Variants in PRLR observed in about 807,000 individuals in gnomAD.
PRLR encodes the protein prolactin receptor.
In PRLR, 13 loss-of-function variants were observed where a neutral mutation model predicts 40.2. The observed-to-expected ratio is 0.32, with a 90% CI of 0.21 to 0.51. The LOEUF (loss-of-function observed/expected upper bound fraction) is 0.51. Ranked by LOEUF, PRLR falls within the 20% of genes least tolerant of loss-of-function variation. The pLI, the probability that PRLR is intolerant of heterozygous loss-of-function variation, is 0.97. For synonymous variants in PRLR, 269 were observed against 278.7 expected, an observed-to-expected ratio of 0.97 and a Z score of 0.35; for missense variants, 656 against 747.3, an observed-to-expected ratio of 0.88 and a Z score of 1.42.
chr5:35,076,759 T>C lies in PRLR; in HGVS notation c.374-4015A>G, dbSNP rs139941729. Among the ~76,000 whole-genome samples, 815 of 152,148 alleles carry C rather than the reference T, an allele frequency of 5.4e-3. 14 individuals are homozygous for C. Among genetic ancestry groups the C allele is most frequent in the African/African-American group, 0.019 (775 of 41,492 alleles). On this transcript the variant is annotated intron_variant, in intron 5 of 9. Coordinates refer to ENST00000618457, the MANE Select transcript of PRLR (RefSeq NM_000949.7). ...ACGTAATTGTCAGATTCACCAAAGT[T>C]AAAATAAAGGAAAAAACATTAAGGG...
At chr5:35,071,494 C>T (rs1284730169) in intron 6 of PRLR, among the ~76,000 whole-genome samples, 2 of 152,214 alleles carry the variant, frequency 1.3e-5, no homozygotes, top group African/African-American at 2.4e-5. Flanking sequence ...TGGAAATGTG[C>T]CTTTTTAAAA....
intron 1 of PRLR, among the ~76,000 whole-genome samples, chr5:35,202,670 G>A (rs538658916): frequency 4.6e-5 from 7 of 152,214 alleles, no homozygotes; most frequent in African/African-American, 1.4e-4. Context: ...CTATTTTTAA[G>A]TAACTAAAAG....
At chr5:35,100,409 C>T (rs1051122925) in intron 2 of PRLR, among the ~76,000 whole-genome samples, 18 of 152,126 alleles carry the variant, frequency 1.2e-4, no homozygotes, top group African/African-American at 4.3e-4. Context: ...CCCAGTCCTG[C>T]AAGCTTTATT....
Position 35,061,044 on chromosome 5 carries a change from G to T in PRLR, c.*4045C>A, listed in dbSNP as rs1188650115. The T allele has an allele frequency of 2.0e-5, 3 of 152,014 alleles. No homozygotes were observed. Among genetic ancestry groups the T allele is most frequent in the African/African-American group, 7.3e-5 (3 of 41,360 alleles). 9.4% of individuals were successfully genotyped at this position (152,014 alleles called of 1,614,324 possible). A position where few individuals can be genotyped will look rare whatever the true frequency, so the allele number is the denominator to read the frequency against. ...ACGTAAACATTCACTGAACATTGCT[G>T]GTTGGCCCTTAGACCATTTTGTTGT... On this transcript the variant is annotated 3_prime_UTR_variant, in exon 10 of 10. Coordinates refer to ENST00000618457, the MANE Select transcript of PRLR (RefSeq NM_000949.7).
chr5:35,077,514 T>C (rs1770190790), intron 5 of PRLR, among the ~76,000 whole-genome samples: 1 of 149,634 alleles, frequency 6.7e-6, no homozygotes, highest in Admixed American at 6.6e-5. Context: ...CTATCCTAAA[T>C]ATGTTTGCAC....
At chr5:35,070,610 G>A (rs182103757) in intron 6 of PRLR, among the ~76,000 whole-genome samples, 2 of 152,182 alleles carry the variant, frequency 1.3e-5, no homozygotes, top group Admixed American at 6.5e-5. Context: ...TTGGGAGGCC[G>A]AAGCAGGCGT....
chr5:35,161,197 A>C (rs1307247756), intron 1 of PRLR, among the ~76,000 whole-genome samples: 1 of 152,254 alleles, frequency 6.6e-6, no homozygotes, highest in East Asian at 1.9e-4. Flanking sequence ...ACAATGAAAG[A>C]GCAAGTAGAG....
At chr5:35,197,663 C>T (rs1775773285) in intron 1 of PRLR, among the ~76,000 whole-genome samples, 1 of 152,198 alleles carries the variant, frequency 6.6e-6, no homozygotes, top group Admixed American at 6.5e-5. Context: ...GAAGATGACC[C>T]AATTAACTGG....
intron 8 of PRLR, among the ~76,000 whole-genome samples, chr5:35,049,823 G>A (rs1476743559): frequency 6.6e-6 from 1 of 151,244 alleles, no homozygotes; most frequent in African/African-American, 2.4e-5. Context: ...AGGTCAAAAT[G>A]TGTGTACATT....
At chr5:35,054,177 C>T (rs936667419), downstream of PRLR, among the ~76,000 whole-genome samples, 1 of 152,116 alleles carries the variant, frequency 6.6e-6, no homozygotes, top group Admixed American at 6.6e-5. Flanking sequence ...ATAAAGATGA[C>T]GAGAAATGGA....
intron 1 of PRLR, among the ~76,000 whole-genome samples, chr5:35,135,095 T>G (rs1773812951): frequency 7.2e-6 from 1 of 139,386 alleles, no homozygotes; most frequent in South Asian, 2.1e-4. Flanking sequence ...TTTGTGTTTT[T>G]TTTTTTTCTT....
chr5:35,102,495 C>G (rs1771953779), intron 2 of PRLR, among the ~76,000 whole-genome samples: 1 of 120,178 alleles, frequency 8.3e-6, no homozygotes, highest in South Asian at 2.6e-4. Flanking sequence ...CGTCTCCTCT[C>G]CACTCCTCTC....
intron 5 of PRLR, among the ~76,000 whole-genome samples, chr5:35,079,771 T>C (rs1386155235): frequency 6.6e-6 from 1 of 152,178 alleles, no homozygotes; most frequent in African/African-American, 2.4e-5. Context: ...GGCGTCACAC[T>C]ACCTGACTTC....
chr5:35,153,759 A>ACACACTACACACACTC (rs1561336893), intron 1 of PRLR, among the ~76,000 whole-genome samples: 2,483 of 138,662 alleles, frequency 0.018, 69 homozygotes, highest in African/African-American at 0.075. Context: ...TACACACACT[A>ACACACTACACACACTC]CACACACACA....
chr5:35,100,957 G>A (rs933435885), intron 2 of PRLR, among the ~76,000 whole-genome samples: 39 of 152,320 alleles, frequency 2.6e-4, no homozygotes, highest in African/African-American at 9.4e-4. Flanking sequence ...GAGGCTGGGT[G>A]TTATAATGGC....
rs140855515 is a variant in PRLR at position 35,108,655 on chromosome 5, C to T, written c.-44+9406G>A. On this transcript the variant is annotated intron_variant, in intron 2 of 9. Transcript: ENST00000618457. ...ATAAAATATCTAGGAATCCAACTTA[C>T]AAGGGATGTGAAGGACATCTTCAAG... Among the ~76,000 whole-genome samples the T allele has an allele frequency of 3.5e-3, 529 of 152,260 alleles. 3 individuals are homozygous for T. Among genetic ancestry groups the T allele is most frequent in the African/African-American group, 0.011 (454 of 41,540 alleles).
chr5:35,049,267 C>T (rs775732297), exon 9 of PRLR: 3 of 703,144 alleles, frequency 4.3e-6, no homozygotes, highest in African/African-American at 1.7e-5. Context: ...TTCCTGAATT[C>T]TGGTATATGC....
Position 35,059,281 on chromosome 5 carries a change from G to A in PRLR, c.*5808C>T, listed in dbSNP as rs912391011. The A allele has an allele frequency of 1.3e-5, 2 of 152,148 alleles. No individual in the cohort carries two copies. Among genetic ancestry groups the A allele is most frequent in the East Asian group, 3.9e-4 (2 of 5,176 alleles). 9.4% of individuals were successfully genotyped at this position (152,148 alleles called of 1,614,324 possible). ...AATTAATAGACTAAGATTATCTGTG[G>A]TCTATTTATTGACCACACCTTATAA... On this transcript the variant is annotated 3_prime_UTR_variant, in exon 10 of 10. Coordinates refer to ENST00000618457, the MANE Select transcript of PRLR (RefSeq NM_000949.7).
chr5:35,075,882 T>C (rs1770059015), intron 5 of PRLR, among the ~76,000 whole-genome samples: 1 of 152,206 alleles, frequency 6.6e-6, no homozygotes, highest in African/African-American at 2.4e-5. Context: ...TGTTCTGCAA[T>C]ATTTGCTGTT....
Sources: gnomAD v4.1 joint callset for allele counts (sites outside exome capture counted in the v4.1 genomes callset) on GRCh38, gnomAD v4.1.1 for gene constraint, MANE v1.5 for transcripts, NCBI Gene and HGNC (gene_info 2026-07-23, HGNC 2026-07-21) for gene names.